The following HHIPL1 variants were observed in gnomAD, a reference collection of about 807,000 sequenced individuals.
HHIPL1 encodes HHIP-like protein 1.
In HHIPL1, 43 loss-of-function variants were observed where a neutral mutation model predicts 61.8. The ratio of observed to expected loss-of-function variants is 0.70; its 90% CI spans 0.55 to 0.90. The LOEUF (loss-of-function observed/expected upper bound fraction) is 0.90. Ranked by LOEUF, HHIPL1 falls within the 40% of genes least tolerant of loss-of-function variation. The pLI, the probability that HHIPL1 is intolerant of heterozygous loss-of-function variation, is 0.00. For missense variants in HHIPL1, 1,056 were observed against 1,157.7 expected (o/e 0.91, Z 1.28); for synonymous variants, 482 against 515.8 (o/e 0.93, Z 0.89).
chr14:99,609,527 T>C, the HHIPL1 span, among the ~76,000 whole-genome samples: 1 of 152,210 alleles, frequency 6.6e-6, no homozygotes, highest in East Asian at 1.9e-4. Flanking sequence ...CTTCTTCCTT[T>C]TGGGGTGGGG....
the HHIPL1 span, among the ~76,000 whole-genome samples, chr14:99,633,972 G>A: frequency 6.6e-6 from 1 of 152,238 alleles, no homozygotes; most frequent in African/African-American, 2.4e-5. Flanking sequence ...TCCATGCAGG[G>A]CTGTAGCCCA....
intron 6 of HHIPL1, 101 bp downstream of exon 6, chr14:99,663,122 A>T (rs768569169): frequency 1.6e-4 from 195 of 1,187,116 alleles, no homozygotes; most frequent in Non-Finnish European, 2.1e-4. Context: ...AGGACCACAC[A>T]GGCCTGAAAT....
Position 99,675,351 on chromosome 14 carries a change from G to A in HHIPL1, c.2074G>A (p.Val692Met), listed in dbSNP as rs1218168306. 1.4e-5 allele frequency: 20 copies of A among 1,478,708 alleles called. 1 individual carries two copies. In the South Asian group the frequency reaches 2.1e-4, roughly 16 times the overall value. The allele number at this position is 1,478,708 out of a possible 1,614,324, so 91.6% of individuals were successfully genotyped here. The stretch of plus-strand genomic sequence containing the variant: ...TGGCAGCGGGCGCGTGGAGGTGTTC[G>A]TGGGCGGACGCTGGGGCACCGTGTG... ...SSGSGRVEVF[V>M]GGRWGTVCDD... Residue 692 changes from valine to methionine, a missense_variant, in exon 9 of 9, where the codon GTG becomes ATG. By Grantham distance (21) the Val-to-Met change is conservative. Coordinates refer to ENST00000330710, the MANE Select transcript of HHIPL1 (RefSeq NM_001127258.3). The surrounding 1 kb of genome is among the most constrained non-coding windows in gnomAD (Gnocchi z 5.4).
intron 6 of HHIPL1, among the ~76,000 whole-genome samples, chr14:99,667,719 T>C (rs1423681454): frequency 6.6e-6 from 1 of 152,174 alleles, no homozygotes; most frequent in Non-Finnish European, 1.5e-5. Flanking sequence ...TAGCTAATGC[T>C]GATGAAGCAC....
At chr14:99,616,917 A>T in the HHIPL1 span, among the ~76,000 whole-genome samples, 2 of 152,176 alleles carry the variant, frequency 1.3e-5, no homozygotes, top group African/African-American at 4.8e-5. Context: ...TTTAAATAGA[A>T]TATAACGACT....
chr14:99,668,969 G>A lies in HHIPL1; in HGVS notation c.1730+666G>A, dbSNP rs12436072. On this transcript the variant is annotated intron_variant, in intron 7 of 8. Transcript: ENST00000330710. This position sits in a 1 kb window ranked among gnomAD's most constrained non-coding sequence, Gnocchi z 4.7. The stretch of plus-strand genomic sequence containing the variant: ...GTCATGGGCCTGGGGCCCAGGGCCA[G>A]GGTGGGGCCCAGGCCACTGGCTCCA... 640,523 of 1,585,364 alleles carry A rather than the reference G, an allele frequency of 0.4. 132,041 individuals are homozygous for A. The highest frequency in any genetic ancestry group is 0.45 in the South Asian group (40,201 of 89,144).
rs760566943 is a variant in HHIPL1 at position 99,660,255 on chromosome 14, A to G, written c.1376-25A>G. ...AACCTTCCCGCCGCTGGCTCACCGA[A>G]GCTTCTCTCCCTCCCACCCCGCAGA... On this transcript the variant is annotated intron_variant, in intron 4 of 8. Coordinates refer to ENST00000330710, the MANE Select transcript of HHIPL1 (RefSeq NM_001127258.3). This position sits in a 1 kb window ranked among gnomAD's most constrained non-coding sequence, Gnocchi z 4.9. The G allele has an allele frequency of 5.6e-6, 9 of 1,613,482 alleles. No homozygotes were observed. In the South Asian group the frequency reaches 9.9e-5, roughly 18 times the overall value.
chr14:99,651,381 C>A (rs778470421), intron 1 of HHIPL1, among the ~76,000 whole-genome samples: 1 of 152,128 alleles, frequency 6.6e-6, no homozygotes, highest in Non-Finnish European at 1.5e-5. Context: ...GTTTCTGGGG[C>A]GTTCTCAGGA....
At chr14:99,619,796 T>G in the HHIPL1 span, among the ~76,000 whole-genome samples, 1 of 150,960 alleles carries the variant, frequency 6.6e-6, no homozygotes, top group Non-Finnish European at 1.5e-5. Context: ...TTCCCGCTGC[T>G]GAGCGCCAGT....
In HHIPL1 at chr14:99,662,986, A is replaced by G; in HGVS notation, c.1613A>G (p.Tyr538Cys). ...CEFPGLINNY[Y>C]PYIISFGEDE... ...TTCCCAGGCCTCATCAACAACTACT[A>G]CCCGTACATCATCTCCTTCGGGGAG... Residue 538 changes from tyrosine (Y) to cysteine (C), a missense_variant, in exon 6 of 9, where the codon TAC becomes TGC. Tyr to Cys is a radical substitution (Grantham distance 194, BLOSUM62 -2). Transcript: ENST00000330710. 1 of 1,613,186 alleles carries G rather than the reference A, an allele frequency of 6.2e-7. No homozygotes were observed. The highest frequency in any genetic ancestry group is 1.3e-5 in the African/African-American group (1 of 74,960).
At chr14:99,626,783 C>T in the HHIPL1 span, among the ~76,000 whole-genome samples, 1 of 152,226 alleles carries the variant, frequency 6.6e-6, no homozygotes, top group Non-Finnish European at 1.5e-5. Flanking sequence ...TAGCAGTGCC[C>T]AGCTCAGGTC....
chr14:99,648,977 G>A (rs1392428878), intron 1 of HHIPL1, among the ~76,000 whole-genome samples: 1 of 152,216 alleles, frequency 6.6e-6, no homozygotes, highest in Non-Finnish European at 1.5e-5. Context: ...GGCGGCTGAA[G>A]CCTGCGATAC....
At chr14:99,641,753 T>C (rs533135788), upstream of HHIPL1, among the ~76,000 whole-genome samples, 7 of 152,228 alleles carry the variant, frequency 4.6e-5, no homozygotes, top group South Asian at 1.5e-3. Context: ...ATTTTTCTCC[T>C]TGTTCTTCTA....
chr14:99,630,968 C>T, the HHIPL1 span, among the ~76,000 whole-genome samples: 1 of 152,202 alleles, frequency 6.6e-6, no homozygotes, highest in Non-Finnish European at 1.5e-5. Flanking sequence ...ATGTCCCCTT[C>T]TGATAAGACC....
chr14:99,661,762 G>T (rs1237829711), intron 5 of HHIPL1, among the ~76,000 whole-genome samples: 1 of 152,194 alleles, frequency 6.6e-6, no homozygotes, highest in African/African-American at 2.4e-5. Context: ...ACGGTGCCCA[G>T]CCTGGTGTTT....
chr14:99,626,267 G>GTGT, the HHIPL1 span, among the ~76,000 whole-genome samples: 191 of 147,570 alleles, frequency 1.3e-3, no homozygotes, highest in East Asian at 4.2e-3. Flanking sequence ...GGTGTAGCGG[G>GTGT]GTGTGTGTGT....
intron 8 of HHIPL1, among the ~76,000 whole-genome samples, 163 bp from the exon 9 acceptor site, chr14:99,674,928 C>A (rs1022602693): frequency 2.6e-5 from 4 of 152,166 alleles, no homozygotes; most frequent in African/African-American, 9.6e-5. Context: ...CGACTGGGAG[C>A]GCAGGCGGCA....
the HHIPL1 span, among the ~76,000 whole-genome samples, chr14:99,634,448 G>A: frequency 6.6e-6 from 1 of 152,238 alleles, no homozygotes; most frequent in Non-Finnish European, 1.5e-5. Context: ...GGCTTTGGCT[G>A]CGGGACTTCT....
the HHIPL1 span, among the ~76,000 whole-genome samples, chr14:99,616,146 T>C: frequency 2.6e-5 from 4 of 152,208 alleles, no homozygotes; most frequent in Non-Finnish European, 5.9e-5. Context: ...ACCTTTTCTA[T>C]GTTTAGACAC....
Sources: gnomAD v4.1 joint callset for allele counts (sites outside exome capture counted in the v4.1 genomes callset) on GRCh38, gnomAD v4.1.1 for gene constraint, Gnocchi (gnomAD v3.1) non-coding constraint, MANE v1.5 for transcripts, NCBI Gene and HGNC (gene_info 2026-07-23, HGNC 2026-07-21) for gene names.